Variants in CFAP95 observed in about 807,000 individuals in gnomAD.
CFAP95 encodes cilia and flagella associated protein 95, also known as cilia- and flagella-associated protein 95.
At chr9:69,899,095 C>CAA in the CFAP95 span, among the ~76,000 whole-genome samples, 1 of 152,224 alleles carries the variant, frequency 6.6e-6, no homozygotes, top group Admixed American at 6.5e-5. Context: ...CTTCTGGTTA[C>CAA]ACTCATCTAC....
the CFAP95 span, among the ~76,000 whole-genome samples, chr9:69,874,693 T>C: frequency 2.6e-5 from 4 of 152,174 alleles, no homozygotes; most frequent in Admixed American, 2.0e-4. Flanking sequence ...TCTCAGTTAC[T>C]GTCACGGGAG....
chr9:69,855,038 T>C, the CFAP95 span, among the ~76,000 whole-genome samples: 8 of 152,236 alleles, frequency 5.3e-5, no homozygotes, highest in Non-Finnish European at 1.0e-4. Context: ...AGATCCTTCA[T>C]TAAATTCTCC....
the CFAP95 span, among the ~76,000 whole-genome samples, chr9:69,872,717 G>A: frequency 2.0e-5 from 3 of 152,164 alleles, no homozygotes; most frequent in Admixed American, 6.5e-5. Context: ...GGGCACAGTG[G>A]CTCATACCTG....
chr9:69,898,597 C>T, the CFAP95 span, among the ~76,000 whole-genome samples: 1 of 152,136 alleles, frequency 6.6e-6, no homozygotes, highest in Non-Finnish European at 1.5e-5. Context: ...TGTGTATCTC[C>T]TAAAAATAAG....
chr9:69,904,620 G>T, the CFAP95 span, among the ~76,000 whole-genome samples: 1 of 152,090 alleles, frequency 6.6e-6, no homozygotes, highest in Non-Finnish European at 1.5e-5. Context: ...GCCCATAGAC[G>T]CTGTATTTGA....
chr9:69,828,372 CTT>C, the CFAP95 span, among the ~76,000 whole-genome samples: 1 of 152,298 alleles, frequency 6.6e-6, no homozygotes, highest in South Asian at 2.1e-4. Context: ...GGAATTCTCT[CTT>C]TGGTTAAAAA....
chr9:69,857,520 G>A, the CFAP95 span, among the ~76,000 whole-genome samples: 1 of 152,086 alleles, frequency 6.6e-6, no homozygotes, highest in Admixed American at 6.6e-5. Context: ...CCCTAAATTA[G>A]TTTTTGTTTT....
chr9:69,832,620 ATTTTTTTTTTTT>A, the CFAP95 span, among the ~76,000 whole-genome samples: 3 of 11,344 alleles, frequency 2.6e-4, no homozygotes, highest in African/African-American at 4.5e-4. Context: ...GTCTATTCGG[ATTTTTTTTTTTT>A]TTTTTTTTTT....
At chr9:69,878,676 T>A in the CFAP95 span, among the ~76,000 whole-genome samples, 1 of 152,216 alleles carries the variant, frequency 6.6e-6, no homozygotes, top group African/African-American at 2.4e-5. Flanking sequence ...TCTTCCTGCA[T>A]AAATGTGGAT....
the CFAP95 span, among the ~76,000 whole-genome samples, chr9:69,823,745 G>T: frequency 1.3e-5 from 2 of 152,162 alleles, no homozygotes; most frequent in African/African-American, 4.8e-5. Flanking sequence ...TAAGGGTGGG[G>T]CCGTTTTATA....
the CFAP95 span, among the ~76,000 whole-genome samples, chr9:69,833,118 T>A: frequency 6.6e-6 from 1 of 152,122 alleles, no homozygotes; most frequent in Admixed American, 6.6e-5. Context: ...ACAATCAATT[T>A]TAGAATGTTT....
chr9:69,905,178 G>C, the CFAP95 span, among the ~76,000 whole-genome samples: 1 of 152,080 alleles, frequency 6.6e-6, no homozygotes, highest in African/African-American at 2.4e-5. Context: ...AATTATTTTT[G>C]ACAAAACCCA....
chr9:69,867,412 G>A, the CFAP95 span, among the ~76,000 whole-genome samples: 1 of 152,294 alleles, frequency 6.6e-6, no homozygotes, highest in Non-Finnish European at 1.5e-5. Context: ...CAAGTGGAAA[G>A]TCAGGTTTCT....
At chr9:69,875,002 C>CTGTTGTTT in the CFAP95 span, among the ~76,000 whole-genome samples, 1 of 152,202 alleles carries the variant, frequency 6.6e-6, no homozygotes, top group African/African-American at 2.4e-5. Context: ...AATAATGCCT[C>CTGTTGTTT]TGTTGTTTTT....
chr9:69,886,917 T>C, the CFAP95 span: 1 of 1,587,238 alleles, frequency 6.3e-7, no homozygotes, highest in East Asian at 2.2e-5. Flanking sequence ...AACCGTAGTC[T>C]TCTACCTATT....
At chr9:69,827,633 T>C in the CFAP95 span, among the ~76,000 whole-genome samples, 2 of 152,202 alleles carry the variant, frequency 1.3e-5, no homozygotes, top group Non-Finnish European at 2.9e-5. Flanking sequence ...TCGTAGGTCC[T>C]TGTCCTTGCT....
chr9:69,846,393 C>T, the CFAP95 span, among the ~76,000 whole-genome samples: 6 of 152,074 alleles, frequency 3.9e-5, no homozygotes, highest in African/African-American at 1.4e-4. Context: ...GAAACCCTGT[C>T]CTCCACCTGC....
At chr9:69,820,915 C>T in the CFAP95 span, 1 of 1,614,066 alleles carries the variant, frequency 6.2e-7, no homozygotes, top group Non-Finnish European at 8.5e-7. Context: ...AGGACTGGTG[C>T]GACAGGAAGC....
the CFAP95 span, among the ~76,000 whole-genome samples, chr9:69,887,747 A>T: frequency 3.9e-5 from 6 of 152,212 alleles, no homozygotes; most frequent in Admixed American, 2.6e-4. Context: ...GATCAGTAGA[A>T]CATGGCAAAA....
Sources: gnomAD v4.1 joint callset for allele counts (sites outside exome capture counted in the v4.1 genomes callset) on GRCh38, gnomAD v4.1.1 for gene constraint, MANE v1.5 for transcripts, NCBI Gene and HGNC (gene_info 2026-07-23, HGNC 2026-07-21) for gene names.